Variants in CLSTN3 observed in about 807,000 individuals in gnomAD.
CLSTN3 encodes the protein calsyntenin-3.
Under a neutral mutation model 95.9 loss-of-function variants are expected in CLSTN3, and 36 were observed. The ratio of observed to expected loss-of-function variants is 0.38; its 90% confidence interval spans 0.29 to 0.50. CLSTN3 has a LOEUF of 0.50. Ranked by LOEUF, CLSTN3 falls within the 20% of genes least tolerant of loss-of-function variation. The probability of loss-of-function intolerance (pLI) is 0.95; values close to 1 mark genes in which losing one functional copy is unlikely to be tolerated. For synonymous variants in CLSTN3, 481 were observed against 504.0 expected (o/e 0.95, Z 0.61); for missense variants, 1,084 against 1,268.8 (o/e 0.85, Z 2.21).
chr12:7,150,748 G>A lies in CLSTN3; in HGVS notation c.2391+59G>A, dbSNP rs1939709728. ...CCACCCCCAGAAAGGAGCTGAGGTG[G>A]CATGGACTCAAAATGTTAGTTGGTG... On this transcript the variant is annotated intron_variant, in intron 15 of 17. Coordinates refer to ENST00000266546, the MANE Select transcript of CLSTN3 (RefSeq NM_014718.4). This position sits in a 1 kb window ranked among gnomAD's most constrained non-coding sequence, Gnocchi z 4.0. 3 of 1,593,338 alleles carry A rather than the reference G, an allele frequency of 1.9e-6. No homozygotes were observed. Among genetic ancestry groups the A allele is most frequent in the Non-Finnish European group, 2.6e-6 (3 of 1,164,476 alleles).
rs142696668 is a variant in CLSTN3, at chr12:7,138,096, G to A, written c.1323+29G>A. 2.2e-4 allele frequency: 340 copies of A among 1,559,512 alleles called. 1 individual carries two copies. The African/African-American group carries it at 2.4e-3, about 11-fold the overall frequency. On this transcript the variant is annotated intron_variant, in intron 8 of 17. Transcript: ENST00000266546. ...AGGCAAGAGCCAGGCTCCTGGGAGG[G>A]CTGAGTAGATGTGACTCACTTTTAG...
intron 12 of CLSTN3, among the ~76,000 whole-genome samples, chr12:7,144,210 G>A (rs1939583722): frequency 7.2e-6 from 1 of 139,818 alleles, no homozygotes; most frequent in Non-Finnish European, 1.5e-5. Flanking sequence ...TCCAGCCTGG[G>A]CTACAAAGCG....
rs1939354454 is a variant in CLSTN3 at position 7,133,856 on chromosome 12, G to A, written c.383+88G>A. 9 of 1,094,268 alleles carry A rather than the reference G, an allele frequency of 8.2e-6. No homozygotes were observed. The highest frequency in any genetic ancestry group is 1.6e-5 in the South Asian group (1 of 63,052). 67.8% of individuals were successfully genotyped at this position (1,094,268 alleles called of 1,614,324 possible). On this transcript the variant is annotated intron_variant, in intron 3 of 17. Transcript: ENST00000266546. The surrounding 1 kb of genome is among the most constrained non-coding windows in gnomAD (Gnocchi z 4.7). ...ACCATCCTCTGTCCGTGCGGTCATC[G>A]AATATCCACCCCCACCCGCTGCTGT...
chr12:7,132,805 A>G, intron 1 of CLSTN3: 1 of 628,138 alleles, frequency 1.6e-6, no homozygotes, highest in East Asian at 2.7e-5. Context: ...GGAACTGTCT[A>G]CCCTGCTATA....
chr12:7,143,279 C>T lies in CLSTN3; in HGVS notation c.1815C>T (p.Gly605=), dbSNP rs61729870. The T allele has an allele frequency of 3.4e-4, 544 of 1,611,828 alleles. 1 individual carries two copies. The highest frequency in any genetic ancestry group is 4.3e-4 in the Non-Finnish European group (509 of 1,179,996). The stretch of plus-strand genomic sequence containing the variant: ...ACACTCTGCGCTTTGCCACGCCCGG[C>T]GTCAGGCCCCTGCGCCTCACCACTG... The part of the protein sequence containing the change: ...YMNTLRFATP[G]VRPLRLTTAV... Residue 605 remains glycine, a synonymous_variant, in exon 12 of 18, where the codon GGC becomes GGT. Coordinates refer to ENST00000266546, the MANE Select transcript of CLSTN3 (RefSeq NM_014718.4).
In CLSTN3 at chr12:7,133,873, C is replaced by T. The variant is rs376456144; in HGVS notation, c.383+105C>T. On this transcript the variant is annotated intron_variant, in intron 3 of 17. Coordinates refer to ENST00000266546, the MANE Select transcript of CLSTN3 (RefSeq NM_014718.4). The surrounding 1 kb of genome is among the most constrained non-coding windows in gnomAD (Gnocchi z 4.7). ...CGGTCATCGAATATCCACCCCCACC[C>T]GCTGCTGTTCCTAGGACTTAGGGAG... 11 of 932,062 alleles carry T rather than the reference C, an allele frequency of 1.2e-5. No individual in the cohort carries two copies. Among genetic ancestry groups the T allele is most frequent in the African/African-American group, 3.4e-5 (2 of 59,640 alleles). 57.7% of individuals were successfully genotyped at this position (932,062 alleles called of 1,614,324 possible). A position where few individuals can be genotyped will look rare whatever the true frequency, so the allele number is the denominator to read the frequency against.
At chr12:7,136,705 T>C (rs1293216711) in intron 6 of CLSTN3, 124 bp from the exon 7 acceptor site, 3 of 1,100,524 alleles carry the variant, frequency 2.7e-6, no homozygotes, top group Non-Finnish European at 4.0e-6. Flanking sequence ...TGAAAGGCCA[T>C]AAAAGGTGGC....
In CLSTN3 at chr12:7,130,610, G is replaced by C. The variant is rs1359633566; in HGVS notation, c.-39G>C. ...ATCCGCAGGCTGGAGGCTCCCAGGG[G>C]AGGCAAACGCCTGGCCCTGCCCTGC... On this transcript the variant is annotated 5_prime_UTR_variant, in exon 1 of 18. Transcript: ENST00000266546. 6.4e-7 allele frequency: 1 copy of C among 1,552,632 alleles called. No homozygotes were observed. The highest frequency in any genetic ancestry group is 8.7e-7 in the Non-Finnish European group (1 of 1,148,178).
At chr12:7,135,288 T>A in intron 3 of CLSTN3, 39 bp from the exon 4 acceptor site, 6 of 1,595,808 alleles carry the variant, frequency 3.8e-6, no homozygotes, top group Non-Finnish European at 5.2e-6. Context: ...CGAGGCTGGC[T>A]GACGTGTCTT....
At chr12:7,155,456 G>A (rs1939798505) in intron 16 of CLSTN3, among the ~76,000 whole-genome samples, 3 of 152,208 alleles carry the variant, frequency 2.0e-5, no homozygotes, top group South Asian at 2.1e-4. Flanking sequence ...GCTTTAGCTC[G>A]TCATCGTTGT....
Position 7,135,390 on chromosome 12 carries a change from G to C in CLSTN3, c.447G>C (p.Leu149=). ...NEFAPVFVER[L]YRAAVTEGKL... The stretch of plus-strand genomic sequence containing the variant: ...TTGCCCCAGTGTTTGTGGAACGGCT[G>C]TATCGTGCGGCTGTGACAGAGGGGA... The change falls in exon 4 of 18, where the codon CTG becomes CTC. Residue 149 remains leucine (L), a synonymous_variant. Coordinates refer to ENST00000266546, the MANE Select transcript of CLSTN3 (RefSeq NM_014718.4). The C allele has an allele frequency of 6.2e-7, 1 of 1,614,194 alleles. No homozygotes were observed. The highest frequency in any genetic ancestry group is 8.5e-7 in the Non-Finnish European group (1 of 1,180,026).
rs1323878318 is a variant in CLSTN3 at position 7,130,730 on chromosome 12, G to A, written c.64+18G>A. On this transcript the variant is annotated intron_variant, in intron 1 of 17. Coordinates refer to ENST00000266546, the MANE Select transcript of CLSTN3 (RefSeq NM_014718.4). ...TAACAAAGGTGAGTGAGGTGGGGGT[G>A]GGGGTACCGAAAGAGGGGCGTCGGG... 1.9e-6 allele frequency: 3 copies of A among 1,554,900 alleles called. No homozygotes were observed. The African/African-American group carries it at 4.1e-5, about 21-fold the overall frequency.
At chr12:7,130,303 T>TG, upstream of CLSTN3, 3 of 778,310 alleles carry the variant, frequency 3.9e-6, no homozygotes, top group Non-Finnish European at 4.9e-6. Flanking sequence ...CAGCACCTGG[T>TG]CCCCCCCCCT....
At position 7,157,066 on chromosome 12, in the gene CLSTN3, C is replaced by T. The variant is rs1352963434; in HGVS notation, c.2528-423C>T. The T allele has an allele frequency of 1.7e-5, 6 of 359,642 alleles. No homozygotes were observed. The highest frequency in any genetic ancestry group is 3.3e-5 in the Non-Finnish European group (6 of 183,578). 22.3% of individuals were successfully genotyped at this position (359,642 alleles called of 1,614,324 possible). A position where few individuals can be genotyped will look rare whatever the true frequency, so the allele number is the denominator to read the frequency against. ...CAGCCAAGCCCGTGTGGGGGCCCCT[C>T]CTCTCCCTCACTGGGCACTGGCACC... On this transcript the variant is annotated intron_variant, in intron 16 of 17. Transcript: ENST00000266546. The surrounding 1 kb of genome is among the most constrained non-coding windows in gnomAD (Gnocchi z 5.9).
chr12:7,131,798 C>T, intron 1 of CLSTN3: 1 of 456,516 alleles, frequency 2.2e-6, no homozygotes, highest in Non-Finnish European at 4.4e-6. Flanking sequence ...CATCTTGTGG[C>T]TTTCTCCTCA....
rs1223068550 is a variant in CLSTN3, at chr12:7,150,098, C to T, written c.2245+405C>T. On this transcript the variant is annotated intron_variant, in intron 14 of 17. Transcript: ENST00000266546. The surrounding 1 kb of genome is among the most constrained non-coding windows in gnomAD (Gnocchi z 4.0). ...AGAGCTTTACAAGAAGTACTCATCT[C>T]TTAGTGAATAGTGGGAGTGATGATT... Among the ~76,000 whole-genome samples, 1 of 152,190 alleles carries T rather than the reference C, an allele frequency of 6.6e-6. No homozygotes were observed. The highest frequency in any genetic ancestry group is 1.5e-5 in the Non-Finnish European group (1 of 68,036).
intron 16 of CLSTN3, among the ~76,000 whole-genome samples, chr12:7,154,321 T>C (rs1939781121): frequency 1.3e-5 from 2 of 152,370 alleles, no homozygotes; most frequent in South Asian, 4.1e-4. Flanking sequence ...CCCATTGCTC[T>C]AAATCTCCTA....
In CLSTN3 at chr12:7,137,860, A is replaced by G; in HGVS notation, c.1211-95A>G. 1 of 836,282 alleles carries G rather than the reference A, an allele frequency of 1.2e-6. No individual in the cohort carries two copies. The highest frequency in any genetic ancestry group is 2.8e-5 in the East Asian group (1 of 35,178). The allele number at this position is 836,282 out of a possible 1,614,324, so 51.8% of individuals were successfully genotyped here. On this transcript the variant is annotated intron_variant, in intron 7 of 17. Transcript: ENST00000266546. This position sits in a 1 kb window ranked among gnomAD's most constrained non-coding sequence, Gnocchi z 4.4. ...CTAGAGAACGAGGGAATGAGAGAGG[A>G]TTAAGAGAATCCAACATCCTCTCCT...
Position 7,158,279 on chromosome 12 carries a change from C to G in CLSTN3, c.*198C>G. On this transcript the variant is annotated 3_prime_UTR_variant, in exon 18 of 18. Transcript: ENST00000266546. The stretch of plus-strand genomic sequence containing the variant: ...TCCCCCGGCCCCCCATCCCTCACTT[C>G]TGGGCTGTCATGCTCCTGGTGTGCC... The G allele has an allele frequency of 1.7e-6, 1 of 596,414 alleles. No individual in the cohort carries two copies. 36.9% of individuals were successfully genotyped at this position (596,414 alleles called of 1,614,324 possible).
Sources: gnomAD v4.1 joint callset for allele counts (sites outside exome capture counted in the v4.1 genomes callset) on GRCh38, gnomAD v4.1.1 for gene constraint, Gnocchi (gnomAD v3.1) non-coding constraint, MANE v1.5 for transcripts, NCBI Gene and HGNC (gene_info 2026-07-23, HGNC 2026-07-21) for gene names.